TEX14: variants seen among roughly 807,000 people sequenced by gnomAD.
TEX14 encodes the protein testis expressed 14, intercellular bridge forming factor.
A neutral mutation model predicts 178.6 loss-of-function variants in TEX14; 168 were observed. That is an observed-to-expected ratio of 0.94 (90% CI 0.83 to 1.07). The LOEUF (loss-of-function observed/expected upper bound fraction) is 1.07. TEX14 is among the 50% of genes least tolerant of loss of function. The probability of loss-of-function intolerance (pLI) is 0.00; values close to 1 mark genes in which losing one functional copy is unlikely to be tolerated. For missense variants in TEX14, 1,730 were observed against 1,753.6 expected (o/e 0.99, Z 0.24); for synonymous variants, 626 against 634.1 (o/e 0.99, Z 0.19).
At chr17:58,581,297 C>T (rs761282101) in intron 19 of TEX14, among the ~76,000 whole-genome samples, 1 of 147,896 alleles carries the variant, frequency 6.8e-6, no homozygotes, top group East Asian at 2.0e-4. Context: ...GGTGACAGAG[C>T]GAGACTCTAT....
chr17:58,654,668 A>G (rs943787683), intron 1 of TEX14, among the ~76,000 whole-genome samples: 1 of 151,872 alleles, frequency 6.6e-6, no homozygotes, highest in African/African-American at 2.4e-5. Context: ...CATCATTACC[A>G]GCTAATTTTT....
At chr17:58,659,250 C>T (rs1337385362) in intron 1 of TEX14, 2 of 678,662 alleles carry the variant, frequency 2.9e-6, no homozygotes, top group East Asian at 1.4e-4. Flanking sequence ...AAAACCCTCC[C>T]CCAAGAAAAA....
intron 1 of TEX14, among the ~76,000 whole-genome samples, chr17:58,669,099 C>A (rs543124805): frequency 6.6e-6 from 1 of 152,236 alleles, no homozygotes; most frequent in East Asian, 1.9e-4. Flanking sequence ...TGCCTATAAT[C>A]CCAGCACTTT....
At position 58,599,011 on chromosome 17, in the gene TEX14, A is replaced by G; in HGVS notation, c.2334T>C (p.Phe778=). ...CCAGAGGTAACTTGTAGGCATTTGT[A>G]AACTCTCTTGAAGTGGCCCATAAAG... is the stretch of plus-strand genomic sequence containing the variant. The part of the protein sequence containing the change: ...RMSLWATSRE[F]TNAYKLPLAV... The change falls in exon 14 of 32, where the codon TTT becomes TTC. Residue 778 remains phenylalanine (F), a synonymous_variant. Coordinates refer to ENST00000349033, the MANE Select transcript of TEX14 (RefSeq NM_031272.5). 1 of 1,614,156 alleles carries G rather than the reference A, an allele frequency of 6.2e-7. No individual in the cohort carries two copies. Among genetic ancestry groups the G allele is most frequent in the Middle Eastern group, 1.6e-4 (1 of 6,062 alleles).
intron 1 of TEX14, among the ~76,000 whole-genome samples, chr17:58,674,753 C>T (rs1336191593): frequency 4.1e-5 from 6 of 145,396 alleles, no homozygotes; most frequent in Non-Finnish European, 8.9e-5. Flanking sequence ...TTACATATGA[C>T]ATCAAAAGCA....
chr17:58,674,407 C>T (rs1454338696), intron 1 of TEX14, among the ~76,000 whole-genome samples: 1 of 152,174 alleles, frequency 6.6e-6, no homozygotes, highest in Non-Finnish European at 1.5e-5. Flanking sequence ...CAGTGGCTCA[C>T]GCCTGTAATC....
chr17:58,590,250 ACT>A (rs2045094695), intron 15 of TEX14, among the ~76,000 whole-genome samples: 1 of 118,206 alleles, frequency 8.5e-6, no homozygotes, highest in South Asian at 2.9e-4. Flanking sequence ...ACATAGCAAG[ACT>A]CTGTGTCAAA....
chr17:58,603,582 C>T (rs766353345), intron 11 of TEX14, among the ~76,000 whole-genome samples: 2 of 131,302 alleles, frequency 1.5e-5, no homozygotes, highest in Non-Finnish European at 3.2e-5. Context: ...AAGCCTTGCA[C>T]GTTGGCTCAC....
chr17:58,647,967 G>A (rs907987184), intron 2 of TEX14: 1 of 152,242 alleles, frequency 6.6e-6, no homozygotes, highest in Non-Finnish European at 1.5e-5. Context: ...CAAAGTGCTG[G>A]GATTACACGC....
At chr17:58,667,007 G>A (rs2047225300) in intron 1 of TEX14, among the ~76,000 whole-genome samples, 1 of 152,148 alleles carries the variant, frequency 6.6e-6, no homozygotes, top group Non-Finnish European at 1.5e-5. Flanking sequence ...TCTCCTGCTC[G>A]CGTCAATGCA....
intron 3 of TEX14, 47 bp from the exon 4 acceptor site, chr17:58,623,059 C>A (rs2046038721): frequency 1.9e-6 from 3 of 1,539,880 alleles, no homozygotes; most frequent in Middle Eastern, 1.9e-4. Context: ...AATGCTCCTG[C>A]ATTCCATGGA....
At chr17:58,661,048 A>C in intron 1 of TEX14, 1 of 1,101,246 alleles carries the variant, frequency 9.1e-7, no homozygotes, top group South Asian at 1.2e-5. Flanking sequence ...TATCTGCTTG[A>C]CCACTTTCCA....
intron 10 of TEX14, among the ~76,000 whole-genome samples, chr17:58,608,061 TCG>T (rs779135703): frequency 6.6e-6 from 1 of 152,108 alleles, no homozygotes; most frequent in Non-Finnish European, 1.5e-5. Flanking sequence ...GTCGGGCAGA[TCG>T]CATGAGTCCA....
intron 28 of TEX14, among the ~76,000 whole-genome samples, chr17:58,561,843 TGG>T (rs1002269416): frequency 4.3e-4 from 66 of 152,264 alleles, no homozygotes; most frequent in African/African-American, 1.5e-3. Context: ...CCCAGCACTT[TGG>T]GAGGCCAAGG....
At chr17:58,689,221 T>A (rs1366718613) in intron 1 of TEX14, among the ~76,000 whole-genome samples, 5 of 150,040 alleles carry the variant, frequency 3.3e-5, no homozygotes, top group African/African-American at 1.2e-4. Context: ...GACATCACGC[T>A]CAGCTAATTT....
At chr17:58,596,105 C>T (rs2045273023) in intron 14 of TEX14, among the ~76,000 whole-genome samples, 1 of 152,002 alleles carries the variant, frequency 6.6e-6, no homozygotes, top group South Asian at 2.1e-4. Flanking sequence ...ATCGCTTGAA[C>T]CCGGGAGGTG....
chr17:58,688,998 TTGG>T (rs2047647540), intron 1 of TEX14, among the ~76,000 whole-genome samples: 1 of 152,058 alleles, frequency 6.6e-6, no homozygotes, highest in African/African-American at 2.4e-5. Flanking sequence ...TGGCATGATC[TTGG>T]CTCACTGCAA....
intron 13 of TEX14, among the ~76,000 whole-genome samples, chr17:58,599,891 ATTG>A (rs2045388257): frequency 6.6e-6 from 1 of 152,166 alleles, no homozygotes; most frequent in Non-Finnish European, 1.5e-5. Flanking sequence ...TGAGGCAGAA[ATTG>A]TTGTCAGGGC....
intron 18 of TEX14, among the ~76,000 whole-genome samples, chr17:58,585,251 A>C (rs932889035): frequency 7.2e-5 from 11 of 152,160 alleles, no homozygotes; most frequent in Admixed American, 6.5e-4. Context: ...CTTTGGACAA[A>C]GGGACCTGTT....
Sources: gnomAD v4.1 joint callset for allele counts (sites outside exome capture counted in the v4.1 genomes callset) on GRCh38, gnomAD v4.1.1 for gene constraint, MANE v1.5 for transcripts, NCBI Gene and HGNC (gene_info 2026-07-23, HGNC 2026-07-21) for gene names.